RPL3L: variants seen among roughly 807,000 people sequenced by gnomAD.
The protein encoded by RPL3L is ribosomal protein L3 like.
A neutral mutation model predicts 44.5 loss-of-function variants in RPL3L; 44 were observed. The observed-to-expected ratio is 0.99, with a 90% CI of 0.78 to 1.27. The LOEUF (loss-of-function observed/expected upper bound fraction) is 1.27, where lower values mean the gene tolerates loss of function less well. Ranked by LOEUF, RPL3L falls within the 50% of genes most tolerant of loss-of-function variation. The pLI is 0.00. For missense variants in RPL3L, 631 were observed against 569.1 expected, an observed-to-expected ratio of 1.11 and a Z score of -1.11; for synonymous variants, 292 against 230.7, an observed-to-expected ratio of 1.27 and a Z score of -2.41.
intron 9 of RPL3L, 37 bp from the exon 10 acceptor site, chr16:1,944,930 C>CAAGTG: frequency 6.2e-7 from 1 of 1,612,716 alleles, no homozygotes; most frequent in Non-Finnish European, 8.5e-7. Context: ...GCCTTAGTCA[C>CAAGTG]TCTGGCCAGA....
At position 1,944,558 on chromosome 16, in the gene RPL3L, A is replaced by C. The variant is rs550373836; in HGVS notation, c.*279T>G. ...AAGACTCTCTCAAAAAAAAAAAAAAAAAAAACCTCTGCTCCGCAAATGCTC... is the reference window on the plus strand; with the variant it reads ...AAGACTCTCTCAAAAAAAAAAAAAACAAAAACCTCTGCTCCGCAAATGCTC... On this transcript the variant is annotated 3_prime_UTR_variant, in exon 10 of 10. Transcript: ENST00000268661. The C allele has an allele frequency of 2.7e-4, 85 of 309,644 alleles. No homozygotes were observed. The East Asian group carries it at 4.8e-3, about 17-fold the overall frequency. The allele number at this position is 309,644 out of a possible 1,614,324, so 19.2% of individuals were successfully genotyped here. A position where few individuals can be genotyped will look rare whatever the true frequency, so the allele number is the denominator to read the frequency against.
intron 9 of RPL3L, 123 bp from the exon 10 acceptor site, chr16:1,945,016 C>G: frequency 1.6e-6 from 2 of 1,225,226 alleles, no homozygotes; most frequent in Non-Finnish European, 2.4e-6. Context: ...CTTCCTCCCC[C>G]ACCTTCTCTT....
chr16:1,950,991 A>G lies in RPL3L; in HGVS notation c.366-12T>C, dbSNP rs1344552197. On this transcript the variant is annotated splice_polypyrimidine_tract_variant and intron_variant, in intron 3 of 9. Coordinates refer to ENST00000268661, the MANE Select transcript of RPL3L (RefSeq NM_005061.3). ...TCTTGCTCTTGTGCCTGAGCCATGC[A>G]CAGGAGGGTGCTCAGAAGCCCCCAA... 1 of 1,612,958 alleles carries G rather than the reference A, an allele frequency of 6.2e-7. No individual in the cohort carries two copies. Among genetic ancestry groups the G allele is most frequent in the African/African-American group, 1.3e-5 (1 of 74,942 alleles).
At chr16:1,946,904 A>T in intron 6 of RPL3L, 34 bp downstream of exon 6, 1 of 1,579,024 alleles carries the variant, frequency 6.3e-7, no homozygotes, top group Non-Finnish European at 8.6e-7. Context: ...GGGTCCGACC[A>T]CACAGTGTCC....
At chr16:1,947,969 G>A (rs1159223545) in intron 4 of RPL3L, among the ~76,000 whole-genome samples, 17 of 133,044 alleles carry the variant, frequency 1.3e-4, no homozygotes, top group Middle Eastern at 4.4e-3. Flanking sequence ...TTTGAGTCTC[G>A]CTCTATCGCC....
rs1263320255 is a variant in RPL3L, at chr16:1,952,916, T to C, written c.323A>G (p.Glu108Gly). The C allele has an allele frequency of 1.9e-6, 3 of 1,614,040 alleles. No individual in the cohort carries two copies. The African/African-American group carries it at 4.0e-5, about 22-fold the overall frequency. Residue 108 changes from glutamate to glycine, a missense_variant, in exon 3 of 10, where the codon GAA (glutamate) becomes GGA (glycine). Glu to Gly is a moderately conservative substitution (Grantham distance 98, BLOSUM62 -2). Transcript: ENST00000268661. ...GCGCCGGCACTCATCACTGAGGTGTTCTGCAAAGATGGTCTTGAAGCTCCG... is the reference window on the plus strand; with the variant it reads ...GCGCCGGCACTCATCACTGAGGTGTCCTGCAAAGATGGTCTTGAAGCTCCG... ...GLRSFKTIFAEHLSDECRRRF... is the reference protein window; with the variant it reads ...GLRSFKTIFAGHLSDECRRRF...
In RPL3L at chr16:1,947,303, C is replaced by G; in HGVS notation, c.579G>C (p.Lys193Asn). 7 of 1,612,820 alleles carry G rather than the reference C, an allele frequency of 4.3e-6. No homozygotes were observed. The highest frequency in any genetic ancestry group is 5.9e-6 in the Non-Finnish European group (7 of 1,179,790). Residue 193 changes from lysine (K) to asparagine (N), a missense_variant, in exon 5 of 10, where the codon AAG (lysine) becomes AAC (asparagine). Coordinates refer to ENST00000268661, the MANE Select transcript of RPL3L (RefSeq NM_005061.3). ...IQLNGGTVAE[K>N]VAWAQARLEK... ...CCAGCCGGGCCTGGGCCCAGGCCAC[C>G]TTCTCGGCCACCGTGCCACCGTTCA...
chr16:1,951,036 C>G, intron 3 of RPL3L, 57 bp from the exon 4 acceptor site: 1 of 1,583,626 alleles, frequency 6.3e-7, no homozygotes, highest in Non-Finnish European at 8.6e-7. Context: ...CTCCCCAGGC[C>G]TATCCTGCCC....
At chr16:1,950,487 C>T (rs962590540) in intron 4 of RPL3L, among the ~76,000 whole-genome samples, 4 of 152,124 alleles carry the variant, frequency 2.6e-5, no homozygotes, top group Non-Finnish European at 4.4e-5. Context: ...TGTCAGCCTA[C>T]AGCAAGCCAG....
intron 4 of RPL3L, among the ~76,000 whole-genome samples, chr16:1,948,938 T>C (rs1015843242): frequency 6.6e-6 from 1 of 151,536 alleles, no homozygotes; most frequent in African/African-American, 2.4e-5. Context: ...ATGGTCTCAA[T>C]CTCCTGACCT....
intron 4 of RPL3L, among the ~76,000 whole-genome samples, chr16:1,950,371 T>G (rs2083163844): frequency 6.6e-6 from 1 of 151,400 alleles, no homozygotes; most frequent in African/African-American, 2.4e-5. Flanking sequence ...GTGGGGGCTG[T>G]GGGAAGCTCA....
rs762170719 is a variant in RPL3L, at chr16:1,950,961, T to C, written c.384A>G (p.Lys128=). 3 of 1,613,876 alleles carry C rather than the reference T, an allele frequency of 1.9e-6. No individual in the cohort carries two copies. Among genetic ancestry groups the C allele is most frequent in the Admixed American group, 1.7e-5 (1 of 59,998 alleles). ...FYKDWHKSKK[K]AFTKACKRWR... is the part of the protein sequence containing the mutation. Reference sequence around the variant, plus strand: ...ACCTCTTGCAGGCCTTGGTGAAGGCTTTCTTCTTGCTCTTGTGCCTGAGCC... The same window carrying C: ...ACCTCTTGCAGGCCTTGGTGAAGGCCTTCTTCTTGCTCTTGTGCCTGAGCC... The change falls in exon 4 of 10, where the codon AAA becomes AAG. Residue 128 remains lysine, a synonymous_variant. Transcript: ENST00000268661.
In RPL3L at chr16:1,952,935, A is replaced by AGCTCCGGAGACCTCGAGGGGTG; in HGVS notation, c.282_303dup (p.Phe102HisfsTer18). The AGCTCCGGAGACCTCGAGGGGTG allele has an allele frequency of 2.5e-6, 4 of 1,613,962 alleles. No individual in the cohort carries two copies. Among genetic ancestry groups the AGCTCCGGAGACCTCGAGGGGTG allele is most frequent in the Non-Finnish European group, 3.4e-6 (4 of 1,179,972 alleles). ...AGGTGTTCTGCAAAGATGGTCTTGA[A>AGCTCCGGAGACCTCGAGGGGTG]GCTCCGGAGACCTCGAGGGGTGGCC... On this transcript the variant is annotated frameshift_variant, in exon 3 of 10. Coordinates refer to ENST00000268661, the MANE Select transcript of RPL3L (RefSeq NM_005061.3). LOFTEE classifies it high-confidence loss of function.
At chr16:1,950,515 G>T (rs2974867) in intron 4 of RPL3L, among the ~76,000 whole-genome samples, 1 of 152,142 alleles carries the variant, frequency 6.6e-6, no homozygotes, top group Non-Finnish European at 1.5e-5. Context: ...TACAAACACG[G>T]ATTCCTGTGC....
intron 2 of RPL3L, 107 bp from the exon 3 acceptor site, chr16:1,953,149 G>T: frequency 1.7e-6 from 2 of 1,172,968 alleles, no homozygotes; most frequent in Non-Finnish European, 2.4e-6. Context: ...TGTGGGGCCA[G>T]CCAGGACAGC....
chr16:1,953,421 T>C (rs998578340), intron 2 of RPL3L, among the ~76,000 whole-genome samples: 1 of 152,148 alleles, frequency 6.6e-6, no homozygotes, highest in Non-Finnish European at 1.5e-5. Context: ...GGTTTCACGA[T>C]GCCGTCCAGG....
Position 1,947,225 on chromosome 16 carries a change from G to T in RPL3L, c.657C>A (p.Val219=). 1 of 1,613,284 alleles carries T rather than the reference G, an allele frequency of 6.2e-7. No homozygotes were observed. Among genetic ancestry groups the T allele is most frequent in the Non-Finnish European group, 8.5e-7 (1 of 1,179,512 alleles). The change falls in exon 5 of 10, where the codon GTC becomes GTA. Residue 219 remains valine (V), a synonymous_variant. Coordinates refer to ENST00000268661, the MANE Select transcript of RPL3L (RefSeq NM_005061.3). ...SVFSQSEVID[V]IAVTKGRGVK... is the part of the protein sequence containing the mutation. ...CGCCTCGACCCTTGGTGACAGCAAT[G>T]ACATCAATGACCTCACTCTGGCTGA...
chr16:1,944,732 GT>G lies in RPL3L; in HGVS notation c.*104del. 1 of 1,476,694 alleles carries G rather than the reference GT, an allele frequency of 6.8e-7. No homozygotes were observed. The highest frequency in any genetic ancestry group is 9.5e-7 in the Non-Finnish European group (1 of 1,057,614). 91.5% of individuals were successfully genotyped at this position (1,476,694 alleles called of 1,614,324 possible). ...GCAGGCAAGGTGAACCCCTTGGGCGGTTACACAGCGCTCTGAGACCTCGCAG... is the reference window on the plus strand; with the variant it reads ...GCAGGCAAGGTGAACCCCTTGGGCGGTACACAGCGCTCTGAGACCTCGCAG... On this transcript the variant is annotated 3_prime_UTR_variant, in exon 10 of 10. Coordinates refer to ENST00000268661, the MANE Select transcript of RPL3L (RefSeq NM_005061.3).
chr16:1,949,244 GTTTTTTTTTTTTTTCT>G (rs2083150073), intron 4 of RPL3L, among the ~76,000 whole-genome samples: 1 of 81,960 alleles, frequency 1.2e-5, no homozygotes, highest in Non-Finnish European at 2.6e-5. Flanking sequence ...CCTGATTTTT[GTTTTTTTTTTTTTTCT>G]TTTTTTTTTT....
Sources: allele counts gnomAD v4.1 joint callset (sites outside exome capture counted in the v4.1 genomes callset), GRCh38; gene constraint gnomAD v4.1.1; transcripts MANE v1.5; gene names NCBI Gene and HGNC (gene_info 2026-07-23, HGNC 2026-07-21).